CCDC144A: variants seen among roughly 807,000 people sequenced by gnomAD.
CCDC144A encodes the protein coiled-coil domain-containing protein 144A.
A neutral mutation model predicts 143.8 loss-of-function variants in CCDC144A; 41 were observed. The observed-to-expected ratio is 0.29, with a 90% CI of 0.22 to 0.37. CCDC144A has a LOEUF of 0.37. Among genes scored for constraint, CCDC144A ranks in the 10% least tolerant of loss-of-function variants. The pLI, the probability that CCDC144A is intolerant of heterozygous loss-of-function variation, is 1.00. For synonymous variants in CCDC144A, 242 were observed against 517.9 expected (o/e 0.47, Z 7.23); for missense variants, 637 against 1,488.8 (o/e 0.43, Z 9.41).
chr17:16,758,668 C>A (rs1263955717), intron 12 of CCDC144A, among the ~76,000 whole-genome samples: 1 of 152,224 alleles, frequency 6.6e-6, no homozygotes, highest in Non-Finnish European at 1.5e-5. Context: ...ACCTTCTTGG[C>A]TCTTTGTTGT....
At chr17:16,682,209 GT>G in the CCDC144A span, among the ~76,000 whole-genome samples, 1 of 133,210 alleles carries the variant, frequency 7.5e-6, no homozygotes, top group African/African-American at 3.4e-5. Context: ...ATGGGTGTGT[GT>G]GTGTGTGTGT....
In CCDC144A at chr17:16,690,484, C is replaced by T. The variant is rs2349265; in HGVS notation, c.84C>T (p.Ser28=). 0.12 allele frequency: 188,820 copies of T among 1,613,222 alleles called. 12,505 individuals are homozygous for T. Among genetic ancestry groups the T allele is most frequent in the Non-Finnish European group, 0.13 (157,270 of 1,179,654 alleles). ...PAVYATRKTP[S]VGSQGDQWYL... is the part of the protein sequence containing the mutation. ...TCTACGCCACGAGGAAGACCCCTAG[C>T]GTCGGGAGCCAGGGGGACCAGTGGT... Residue 28 remains serine (S), a synonymous_variant, in exon 1 of 17, where the codon AGC becomes AGT. Coordinates refer to ENST00000399273, the MANE Select transcript of CCDC144A (RefSeq NM_001382000.1).
At position 16,709,593 on chromosome 17, in the gene CCDC144A, G is replaced by C; in HGVS notation, c.1536G>C (p.Glu512Asp). The C allele has an allele frequency of 6.2e-7, 1 of 1,611,526 alleles. No homozygotes were observed. Residue 512 changes from glutamate to aspartate, a missense_variant, in exon 5 of 17, where the codon GAG becomes GAC. By Grantham distance (45) the Glu-to-Asp change is conservative. Transcript: ENST00000399273. ...FKNEVNTLEEEFLALKKEDVQ... is the reference protein window; with the variant it reads ...FKNEVNTLEEDFLALKKEDVQ... ...ATGAGGTCAACACATTAGAAGAAGA[G>C]TTCCTGGCTTTGAAGAAAGAAGATG...
rs1287966491 is a variant in CCDC144A at position 16,699,175 on chromosome 17, A to G, written c.416-5976A>G. Among the ~76,000 whole-genome samples, 3 of 151,400 alleles carry G rather than the reference A, an allele frequency of 2.0e-5. No individual in the cohort carries two copies. In the South Asian group the frequency reaches 6.3e-4, roughly 32 times the overall value. ...TCAAATACAAATTGTTTTATCTGACATAGTTTAAATGTGAAGTGCTTTTCT... is the reference window on the plus strand; with the variant it reads ...TCAAATACAAATTGTTTTATCTGACGTAGTTTAAATGTGAAGTGCTTTTCT... On this transcript the variant is annotated intron_variant, in intron 2 of 16. Transcript: ENST00000399273.
chr17:16,761,361 T>G, intron 12 of CCDC144A, 64 bp from the exon 13 acceptor site: 1 of 1,518,160 alleles, frequency 6.6e-7, no homozygotes, highest in East Asian at 2.5e-5. Context: ...AATTATTAGT[T>G]TTTTGTTAGA....
At chr17:16,676,058 C>T in the CCDC144A span, among the ~76,000 whole-genome samples, 1 of 151,858 alleles carries the variant, frequency 6.6e-6, no homozygotes, top group African/African-American at 2.4e-5. Flanking sequence ...CACGCAGGGA[C>T]TTTAAAACAT....
chr17:16,686,570 C>G (rs1910788931), upstream of CCDC144A, among the ~76,000 whole-genome samples: 1 of 151,726 alleles, frequency 6.6e-6, no homozygotes, highest in African/African-American at 2.4e-5. Flanking sequence ...CTTTGGGAGG[C>G]TGAGATGGGA....
intron 4 of CCDC144A, 165 bp from the exon 5 acceptor site, chr17:16,708,631 G>A (rs1912190907): frequency 2.6e-6 from 2 of 757,372 alleles, no homozygotes; most frequent in Non-Finnish European, 4.3e-6. Context: ...GCTAAACCTA[G>A]ATGAAGAAGT....
At chr17:16,671,948 A>G in the CCDC144A span, among the ~76,000 whole-genome samples, 1 of 152,112 alleles carries the variant, frequency 6.6e-6, no homozygotes, top group African/African-American at 2.4e-5. Flanking sequence ...TCTATAAATG[A>G]TGATGAAATA....
chr17:16,717,149 A>C (rs1240894073), intron 6 of CCDC144A, among the ~76,000 whole-genome samples: 6 of 97,918 alleles, frequency 6.1e-5, no homozygotes, highest in African/African-American at 8.2e-5. Flanking sequence ...ACAGAGTCTC[A>C]CTCTGTCACC....
At chr17:16,745,773 C>A (rs1198245964) in intron 12 of CCDC144A, 5 of 1,612,636 alleles carry the variant, frequency 3.1e-6, no homozygotes, top group Middle Eastern at 1.7e-4. Context: ...GTTTGCCAGT[C>A]GCTCTTTTCT....
chr17:16,680,300 T>A, the CCDC144A span, among the ~76,000 whole-genome samples: 2 of 151,928 alleles, frequency 1.3e-5, no homozygotes, highest in African/African-American at 2.4e-5. Flanking sequence ...ATGGTGGCAC[T>A]ACCTGTAGTC....
At chr17:16,725,611 T>C (rs1913369783) in intron 8 of CCDC144A, among the ~76,000 whole-genome samples, 1 of 151,716 alleles carries the variant, frequency 6.6e-6, no homozygotes, top group African/African-American at 2.4e-5. Flanking sequence ...ACAATGGAGG[T>C]TGGGGACTTG....
chr17:16,686,197 C>T (rs1169695614), upstream of CCDC144A, among the ~76,000 whole-genome samples: 1 of 150,714 alleles, frequency 6.6e-6, no homozygotes, highest in East Asian at 1.9e-4. Context: ...CACACCTGGC[C>T]TGTGATTGGC....
intron 12 of CCDC144A, among the ~76,000 whole-genome samples, chr17:16,753,881 A>G (rs887468909): frequency 2.6e-5 from 4 of 152,348 alleles, no homozygotes; most frequent in African/African-American, 9.6e-5. Context: ...ATAAACTAGG[A>G]AGATTTTGGA....
chr17:16,732,419 AG>A (rs1368463243), intron 10 of CCDC144A, 118 bp from the exon 11 acceptor site: 52 of 617,994 alleles, frequency 8.4e-5, no homozygotes, highest in Middle Eastern at 4.8e-4. Context: ...GAGGGATAAA[AG>A]TTCTTGTGTT....
chr17:16,719,376 G>T (rs1380205189), intron 6 of CCDC144A, among the ~76,000 whole-genome samples: 1 of 151,932 alleles, frequency 6.6e-6, no homozygotes, highest in Non-Finnish European at 1.5e-5. Context: ...TCTGTATAAA[G>T]TTTTTTTATT....
chr17:16,724,311 A>G (rs1174786340), intron 8 of CCDC144A, among the ~76,000 whole-genome samples: 1 of 151,864 alleles, frequency 6.6e-6, no homozygotes, highest in East Asian at 1.9e-4. Flanking sequence ...GCTGAGGCGG[A>G]TGGATCACGA....
chr17:16,676,511 C>CAAA, the CCDC144A span, among the ~76,000 whole-genome samples: 1 of 80,066 alleles, frequency 1.2e-5, no homozygotes, highest in African/African-American at 3.9e-5. Context: ...ACTCCGTCTC[C>CAAA]AAAAAAAAAA....
Sources: allele counts gnomAD v4.1 joint callset (sites outside exome capture counted in the v4.1 genomes callset), GRCh38; gene constraint gnomAD v4.1.1; transcripts MANE v1.5; gene names NCBI Gene and HGNC (gene_info 2026-07-23, HGNC 2026-07-21).